SPIDR: variants seen among roughly 807,000 people sequenced by gnomAD.
SPIDR encodes scaffold protein involved in DNA repair, also known as DNA repair-scaffolding protein.
SPIDR carries 93 observed loss-of-function variants against 104.6 expected under a neutral mutation model. The ratio of observed to expected loss-of-function variants is 0.89; its 90% CI spans 0.75 to 1.06. The LOEUF is 1.06. Among genes scored for constraint, SPIDR ranks in the 50% least tolerant of loss-of-function variants. SPIDR has a pLI of 0.00. For missense variants in SPIDR, 1,154 were observed against 1,111.2 expected (o/e 1.04, Z -0.55); for synonymous variants, 431 against 416.9 (o/e 1.03, Z -0.41).
chr8:47,348,381 T>A (rs1361628107), intron 5 of SPIDR, among the ~76,000 whole-genome samples: 10 of 152,192 alleles, frequency 6.6e-5, no homozygotes, highest in Non-Finnish European at 1.3e-4. Context: ...GCCCTTAACA[T>A]TTTTTCCTTC....
chr8:47,298,110 C>G (rs1448905186), intron 5 of SPIDR, among the ~76,000 whole-genome samples: 46 of 152,320 alleles, frequency 3.0e-4, no homozygotes, highest in African/African-American at 1.1e-3. Context: ...CACATCCTCT[C>G]CAGTACCTGT....
chr8:47,591,827 C>T (rs916007989), intron 8 of SPIDR, among the ~76,000 whole-genome samples: 2 of 151,824 alleles, frequency 1.3e-5, no homozygotes, highest in Non-Finnish European at 2.9e-5. Flanking sequence ...TGCAGCTAAC[C>T]GGACAACTAC....
At chr8:47,538,580 G>A (rs117462357) in intron 8 of SPIDR, among the ~76,000 whole-genome samples, 4,508 of 152,132 alleles carry the variant, frequency 0.03, 126 homozygotes, top group Middle Eastern at 0.085. Flanking sequence ...AATGTTCATT[G>A]TCAGACACTG....
intron 8 of SPIDR, among the ~76,000 whole-genome samples, chr8:47,505,334 G>A (rs2081298057): frequency 6.6e-6 from 1 of 152,184 alleles, no homozygotes; most frequent in Non-Finnish European, 1.5e-5. Flanking sequence ...CCTCAGCAAT[G>A]GCGGGCGCCT....
rs34756645 is a variant in SPIDR at position 47,583,305 on chromosome 8, CA to C, written c.1098-12488del. Among the ~76,000 whole-genome samples, 132 of 111,114 alleles carry C rather than the reference CA, an allele frequency of 1.2e-3. 1 individual carries two copies. Among genetic ancestry groups the C allele is most frequent in the Admixed American group, 2.2e-3 (23 of 10,270 alleles). The allele number at this position is 111,114 out of a possible 152,430, so 72.9% of individuals were successfully genotyped here. A position where few individuals can be genotyped will look rare whatever the true frequency, so the allele number is the denominator to read the frequency against. On this transcript the variant is annotated intron_variant, in intron 8 of 19. Coordinates refer to ENST00000297423, the MANE Select transcript of SPIDR (RefSeq NM_001080394.4). ...TGGGTGACAGAGCGAGACTCCATCT[CA>C]AAAAAAAAAAAAAAAAAGTATCAGT...
At chr8:47,302,421 G>A (rs917557300) in intron 5 of SPIDR, among the ~76,000 whole-genome samples, 75 of 151,968 alleles carry the variant, frequency 4.9e-4, no homozygotes, top group Non-Finnish European at 6.3e-4. Context: ...TAGTTTGATC[G>A]TCTGAAGCCT....
chr8:47,370,503 A>G (rs949835711), intron 5 of SPIDR, among the ~76,000 whole-genome samples: 4 of 144,900 alleles, frequency 2.8e-5, no homozygotes, highest in East Asian at 2.0e-4. Context: ...CTGGAATGCA[A>G]TGGTGCGATC....
At chr8:47,713,350 A>G in intron 15 of SPIDR, 139 bp from the exon 16 acceptor site, 1 of 1,238,990 alleles carries the variant, frequency 8.1e-7, no homozygotes, top group Non-Finnish European at 1.1e-6. Context: ...GTGCACACAC[A>G]ATGAACGTGC....
chr8:47,368,381 A>AAAAAAG (rs2057521972), intron 5 of SPIDR, among the ~76,000 whole-genome samples: 1 of 131,872 alleles, frequency 7.6e-6, no homozygotes, highest in African/African-American at 2.8e-5. Context: ...AAAAAAAAAA[A>AAAAAAG]AAAGGATTTT....
At chr8:47,277,301 TTTATGTTATGTTTGTTATGTTATGTTATG>T (rs1170332753) in intron 1 of SPIDR, among the ~76,000 whole-genome samples, 2 of 150,312 alleles carry the variant, frequency 1.3e-5, no homozygotes, top group African/African-American at 4.9e-5. Flanking sequence ...TTTATTTTAA[TTTATGTTATGTTTGTTATGTTATGTTATG>T]TTATGTTATG....
intron 11 of SPIDR, among the ~76,000 whole-genome samples, chr8:47,691,053 A>T (rs1234149521): frequency 1.3e-5 from 2 of 152,090 alleles, no homozygotes; most frequent in East Asian, 3.9e-4. Context: ...GCACTTTTGG[A>T]GGCCGAGGAG....
At chr8:47,399,383 A>T (rs571781991) in intron 6 of SPIDR, among the ~76,000 whole-genome samples, 1 of 152,374 alleles carries the variant, frequency 6.6e-6, no homozygotes, top group Admixed American at 6.5e-5. Context: ...CTGGGAAGGC[A>T]GAGTCCCTGC....
chr8:47,434,326 A>T (rs1408159841), intron 7 of SPIDR, among the ~76,000 whole-genome samples: 1 of 152,106 alleles, frequency 6.6e-6, no homozygotes, highest in African/African-American at 2.4e-5. Context: ...GCACACTCAC[A>T]TGCATGCTGG....
intron 5 of SPIDR, among the ~76,000 whole-genome samples, chr8:47,313,733 G>T (rs1183862599): frequency 6.6e-6 from 1 of 152,190 alleles, no homozygotes; most frequent in Non-Finnish European, 1.5e-5. Flanking sequence ...CAGTGGAACA[G>T]AACAGAGCCC....
intron 8 of SPIDR, among the ~76,000 whole-genome samples, chr8:47,534,078 T>A (rs1351312963): frequency 6.6e-6 from 1 of 152,204 alleles, no homozygotes; most frequent in Admixed American, 6.5e-5. Context: ...ATCTGATGGT[T>A]TTGTGAGTGA....
rs778171505 is a variant in SPIDR, at chr8:47,712,766, G to C, written c.2082G>C (p.Leu694=). Reference sequence around the variant, plus strand: ...GAGACCCCAGGCTCCCCAAAACCCTGCTGGTCTATGTGGCCCCCTTGTGTG... The same window carrying C: ...GAGACCCCAGGCTCCCCAAAACCCTCCTGGTCTATGTGGCCCCCTTGTGTG... ...EERDPRLPKT[L]LVYVAPLCVL... The change falls in exon 15 of 20, where the codon CTG becomes CTC. Residue 694 remains leucine (L), a synonymous_variant. Coordinates refer to ENST00000297423, the MANE Select transcript of SPIDR (RefSeq NM_001080394.4). 1.9e-6 allele frequency: 3 copies of C among 1,614,182 alleles called. No homozygotes were observed. The South Asian group carries it at 3.3e-5, about 18-fold the overall frequency.
chr8:47,687,881 A>G (rs928131440), intron 11 of SPIDR, among the ~76,000 whole-genome samples: 1 of 152,106 alleles, frequency 6.6e-6, no homozygotes, highest in Non-Finnish European at 1.5e-5. Context: ...TGGGCAACAT[A>G]GTGAGGCCTT....
At chr8:47,451,114 A>G (rs1209165402) in intron 8 of SPIDR, among the ~76,000 whole-genome samples, 2 of 152,200 alleles carry the variant, frequency 1.3e-5, no homozygotes, top group African/African-American at 4.8e-5. Flanking sequence ...CAAAAATGTG[A>G]AATCAGTTGT....
intron 8 of SPIDR, among the ~76,000 whole-genome samples, chr8:47,517,493 G>C (rs139407221): frequency 8.5e-4 from 129 of 152,236 alleles, no homozygotes; most frequent in African/African-American, 3.0e-3. Flanking sequence ...GCTGATCCCT[G>C]AGGGCTCAGA....
Sources: allele counts gnomAD v4.1 joint callset (sites outside exome capture counted in the v4.1 genomes callset), GRCh38; gene constraint gnomAD v4.1.1; transcripts MANE v1.5; gene names NCBI Gene and HGNC (gene_info 2026-07-23, HGNC 2026-07-21).